MAPK10: variants seen among roughly 807,000 people sequenced by gnomAD.
MAPK10 encodes the protein JNK3 alpha protein kinase.
MAPK10 carries 25 observed loss-of-function variants against 59.3 expected under a neutral mutation model. The observed-to-expected ratio is 0.42, with a 90% confidence interval of 0.31 to 0.59. The LOEUF (loss-of-function observed/expected upper bound fraction) is 0.59. Among genes scored for constraint, MAPK10 ranks in the 20% least tolerant of loss-of-function variants. MAPK10 has a pLI of 0.15. For synonymous variants in MAPK10, 190 were observed against 200.5 expected (o/e 0.95, Z 0.44); for missense variants, 351 against 568.9 (o/e 0.62, Z 3.90).
intron 6 of MAPK10, chr4:86,102,467 C>T (rs940530407): frequency 1.3e-5 from 2 of 156,478 alleles, no homozygotes; most frequent in African/African-American, 2.4e-5. Flanking sequence ...ATCAATGACA[C>T]TATAAAGATA....
Position 86,316,980 on chromosome 4 carries a change from T to A in MAPK10, c.-7+37550A>T, listed in dbSNP as rs151013611. Among the ~76,000 whole-genome samples, 122 of 152,254 alleles carry A rather than the reference T, an allele frequency of 8.0e-4. 1 individual carries two copies. Among genetic ancestry groups the A allele is most frequent in the Middle Eastern group, 3.4e-3 (1 of 294 alleles). ...AAATTTTTTAACCATGTGCGAGCCTTACTAAACATGGATTTATCCCAAAGT... is the reference window on the plus strand; with the variant it reads ...AAATTTTTTAACCATGTGCGAGCCTAACTAAACATGGATTTATCCCAAAGT... On this transcript the variant is annotated intron_variant, in intron 2 of 13. Transcript: ENST00000641462.
At chr4:86,301,669 A>C (rs753257213) in intron 2 of MAPK10, among the ~76,000 whole-genome samples, 3 of 152,162 alleles carry the variant, frequency 2.0e-5, no homozygotes, top group Non-Finnish European at 4.4e-5. Context: ...TGAGCACTCA[A>C]TGTGTGCCAG....
chr4:86,544,221 A>G (rs1487013112), intron 1 of MAPK10, among the ~76,000 whole-genome samples: 7 of 152,220 alleles, frequency 4.6e-5, no homozygotes, highest in Admixed American at 4.6e-4. Flanking sequence ...GCTTACTAGT[A>G]TAATAGCTAA....
At chr4:86,575,552 T>C (rs144525058) in intron 1 of MAPK10, among the ~76,000 whole-genome samples, 5 of 152,174 alleles carry the variant, frequency 3.3e-5, no homozygotes, top group Non-Finnish European at 7.4e-5. Flanking sequence ...GACGTTATCT[T>C]CTACTCCTAA....
chr4:86,370,317 A>G (rs1218671114), intron 1 of MAPK10, among the ~76,000 whole-genome samples: 1 of 152,166 alleles, frequency 6.6e-6, no homozygotes, highest in African/African-American at 2.4e-5. Context: ...CCCAGATAAA[A>G]TTCAGCCACT....
At chr4:86,171,795 AC>A (rs1225714497) in intron 3 of MAPK10, among the ~76,000 whole-genome samples, 1 of 151,250 alleles carries the variant, frequency 6.6e-6, no homozygotes, top group Admixed American at 6.6e-5. Flanking sequence ...CAGGCAACCT[AC>A]AAAATGGGAG....
intron 4 of MAPK10, among the ~76,000 whole-genome samples, chr4:86,153,542 C>T (rs2066968127): frequency 6.6e-6 from 1 of 152,126 alleles, no homozygotes; most frequent in South Asian, 2.1e-4. Context: ...AATATTTATA[C>T]ATAAGGACAC....
intron 1 of MAPK10, among the ~76,000 whole-genome samples, chr4:86,558,498 T>C (rs1251871462): frequency 1.3e-5 from 2 of 152,258 alleles, no homozygotes; most frequent in Middle Eastern, 3.4e-3. Context: ...ATTTGCCCAA[T>C]GACGTAGAAT....
At chr4:86,580,851 A>G (rs1175982407) in intron 1 of MAPK10, among the ~76,000 whole-genome samples, 3 of 152,302 alleles carry the variant, frequency 2.0e-5, no homozygotes, top group Admixed American at 6.5e-5. Context: ...AATGTAACAC[A>G]TGACAACTGT....
chr4:86,270,357 G>T (rs371757202), intron 2 of MAPK10, among the ~76,000 whole-genome samples: 1 of 150,854 alleles, frequency 6.6e-6, no homozygotes, highest in East Asian at 2.0e-4. Context: ...TATGAGCAAT[G>T]AATGAAAAAA....
intron 11 of MAPK10, among the ~76,000 whole-genome samples, chr4:86,051,038 G>A (rs1253536519): frequency 2.0e-5 from 3 of 152,038 alleles, no homozygotes; most frequent in African/African-American, 7.2e-5. Flanking sequence ...GAAACTGTGG[G>A]GAGCATCTTT....
chr4:86,053,494 A>G (rs762342155), intron 11 of MAPK10, among the ~76,000 whole-genome samples: 8 of 152,120 alleles, frequency 5.3e-5, no homozygotes, highest in Non-Finnish European at 8.8e-5. Flanking sequence ...TGTAGCCTCT[A>G]CTTATCTCGA....
chr4:86,275,892 G>A (rs1199385290), intron 2 of MAPK10, among the ~76,000 whole-genome samples: 1 of 151,898 alleles, frequency 6.6e-6, no homozygotes, highest in East Asian at 1.9e-4. Flanking sequence ...AAATATTGCT[G>A]GCAGTCAATG....
intron 4 of MAPK10, among the ~76,000 whole-genome samples, chr4:86,156,464 T>C (rs915950565): frequency 4.6e-5 from 7 of 152,008 alleles, no homozygotes; most frequent in African/African-American, 1.7e-4. Context: ...GCTGATGGTG[T>C]GTAACACCAC....
intron 4 of MAPK10, among the ~76,000 whole-genome samples, chr4:86,115,777 C>T (rs2058213257): frequency 6.6e-6 from 1 of 152,160 alleles, no homozygotes; most frequent in Admixed American, 6.5e-5. Flanking sequence ...TGCTTCTAAT[C>T]AGCCATCTTG....
chr4:86,439,100 A>G (rs992702161), intron 1 of MAPK10, among the ~76,000 whole-genome samples: 1 of 152,040 alleles, frequency 6.6e-6, no homozygotes, highest in Non-Finnish European at 1.5e-5. Flanking sequence ...TTTCATTTTT[A>G]AAAATTTTTA....
At chr4:86,479,890 T>C (rs769812278) in intron 1 of MAPK10, among the ~76,000 whole-genome samples, 2 of 151,950 alleles carry the variant, frequency 1.3e-5, no homozygotes, top group African/African-American at 2.4e-5. Flanking sequence ...CACAAAATCT[T>C]CCTTCAGCTT....
At chr4:86,214,526 A>C (rs550958221) in intron 2 of MAPK10, among the ~76,000 whole-genome samples, 12,540 of 140,132 alleles carry the variant, frequency 0.089, 1,233 homozygotes, top group African/African-American at 0.28. Context: ...AAAAAAAAAA[A>C]AAAAAAAAAC....
intron 2 of MAPK10, among the ~76,000 whole-genome samples, chr4:86,304,965 G>A (rs2095540617): frequency 6.6e-6 from 1 of 152,002 alleles, no homozygotes; most frequent in South Asian, 2.1e-4. Flanking sequence ...AAAAATATAT[G>A]GTACTTCAGT....
Sources: allele counts gnomAD v4.1 joint callset (sites outside exome capture counted in the v4.1 genomes callset), GRCh38; gene constraint gnomAD v4.1.1; transcripts MANE v1.5; gene names NCBI Gene and HGNC (gene_info 2026-07-23, HGNC 2026-07-21).